LAMC2: variants seen among roughly 807,000 people sequenced by gnomAD.
The protein encoded by LAMC2 is laminin subunit gamma-2.
A neutral mutation model predicts 140.2 loss-of-function variants in LAMC2; 97 were observed. That is an observed-to-expected ratio of 0.69 (90% CI 0.59 to 0.82). The LOEUF (loss-of-function observed/expected upper bound fraction) is 0.82. LAMC2 is among the 40% of genes least tolerant of loss of function. The pLI is 0.00. For synonymous variants in LAMC2, 513 were observed against 540.2 expected (o/e 0.95, Z 0.70); for missense variants, 1,402 against 1,476.1 (o/e 0.95, Z 0.82).
intron 7 of LAMC2, among the ~76,000 whole-genome samples, chr1:183,224,366 G>A (rs1659564612): frequency 6.6e-6 from 1 of 152,166 alleles, no homozygotes; most frequent in Non-Finnish European, 1.5e-5. Context: ...CATCATGTTG[G>A]GCCTTGTGTG....
chr1:183,227,572 G>A lies in LAMC2; in HGVS notation c.1343G>A (p.Gly448Asp). Residue 448 changes from glycine to aspartate, a missense_variant, in exon 10 of 23, where the codon GGT becomes GAT. By Grantham distance (94) the Gly-to-Asp change is moderately conservative (BLOSUM62 -1). Around this residue, in one of 3 missense-constraint regions of LAMC2, gnomAD observed 723 missense variants for 783.3 expected, o/e 0.92. Transcript: ENST00000264144. The part of the protein sequence containing the change: ...PDIECADCPI[G>D]FYNDPHDPRS... ...ATTGAGTGTGCTGACTGCCCAATTG[G>A]TTTCTACAACGATCCGCACGACCCC... 6.2e-7 allele frequency: 1 copy of A among 1,614,134 alleles called. No individual in the cohort carries two copies.
chr1:183,198,765 G>A (rs983998834), intron 1 of LAMC2, among the ~76,000 whole-genome samples: 3 of 152,172 alleles, frequency 2.0e-5, no homozygotes, highest in Non-Finnish European at 4.4e-5. Context: ...CCCTAGGCTC[G>A]CTGCCCGTTG....
At chr1:183,229,599 T>A (rs1289919268) in intron 11 of LAMC2, among the ~76,000 whole-genome samples, 3 of 143,380 alleles carry the variant, frequency 2.1e-5, no homozygotes, top group Non-Finnish European at 4.5e-5. Context: ...ATCATGTCAC[T>A]GCACTCCAGC....
intron 12 of LAMC2, among the ~76,000 whole-genome samples, chr1:183,231,349 T>A (rs955485825): frequency 5.9e-5 from 9 of 152,234 alleles, no homozygotes; most frequent in African/African-American, 1.9e-4. Flanking sequence ...TTGGTACTCA[T>A]GATAACTTAG....
intron 1 of LAMC2, among the ~76,000 whole-genome samples, chr1:183,197,716 A>G (rs1241694514): frequency 6.6e-6 from 1 of 152,148 alleles, no homozygotes; most frequent in Non-Finnish European, 1.5e-5. Context: ...AAATAAGTAA[A>G]TAAATAAAGT....
At chr1:183,215,737 C>G in intron 3 of LAMC2, 149 bp downstream of exon 3, 1 of 946,910 alleles carries the variant, frequency 1.1e-6, no homozygotes, top group East Asian at 2.5e-5. Flanking sequence ...TTAATCCTCA[C>G]AATACCCCTA....
Position 183,237,404 on chromosome 1 carries a change from T to C in LAMC2, c.2654T>C (p.Val885Ala). 1 of 1,614,122 alleles carries C rather than the reference T, an allele frequency of 6.2e-7. No individual in the cohort carries two copies. Among genetic ancestry groups the C allele is most frequent in the Non-Finnish European group, 8.5e-7 (1 of 1,179,986 alleles). The change falls in exon 18 of 23, where the codon GTA becomes GCA. Residue 885 changes from valine (V) to alanine (A), a missense_variant. This residue lies in a region of LAMC2 where 670 missense variants were observed against 667.2 expected (regional missense o/e 1.00). Transcript: ENST00000264144. The stretch of plus-strand genomic sequence containing the variant: ...AAAGCGGATTCACTCTCAAGCCTGG[T>C]AACCAGGCATATGGATGAGTTCAAG... ...KQKADSLSSL[V>A]TRHMDEFKRT...
chr1:183,225,565 G>A (rs1335342333), intron 7 of LAMC2, 43 bp from the exon 8 acceptor site: 1 of 1,321,654 alleles, frequency 7.6e-7, no homozygotes, highest in South Asian at 1.2e-5. Context: ...TAGGTATGTG[G>A]TAAGAATCGG....
At chr1:183,234,193 TA>T (rs1659881931) in intron 14 of LAMC2, among the ~76,000 whole-genome samples, 173 bp from the exon 15 acceptor site, 1 of 152,212 alleles carries the variant, frequency 6.6e-6, no homozygotes, top group Non-Finnish European at 1.5e-5. Context: ...GGCCTATACA[TA>T]CTTTTTAAAA....
In LAMC2 at chr1:183,235,605, A is replaced by T. The variant is rs1659930196; in HGVS notation, c.2331A>T (p.Gln777His). 1 of 1,614,104 alleles carries T rather than the reference A, an allele frequency of 6.2e-7. No individual in the cohort carries two copies. The highest frequency in any genetic ancestry group is 1.1e-5 in the South Asian group (1 of 91,088). The change falls in exon 16 of 23, where the codon CAA becomes CAT. Residue 777 changes from glutamine (Q) to histidine (H), a missense_variant. By Grantham distance (24) the Gln-to-His change is conservative. Transcript: ENST00000264144. ...SHVESASNMEQLTRETEDYSK... is the reference protein window; with the variant it reads ...SHVESASNMEHLTRETEDYSK... ...TTGAGTCAGCCAGTAACATGGAGCA[A>T]CTGACAAGGGAAACTGAGGACTATT...
In LAMC2 at chr1:183,220,272, C is replaced by T. The variant is rs139320961; in HGVS notation, c.504-553C>T. 7.0e-4 allele frequency among the ~76,000 whole-genome samples: 106 copies of T among 152,204 alleles called. 1 individual carries two copies. Among genetic ancestry groups the T allele is most frequent in the African/African-American group, 2.4e-3 (98 of 41,528 alleles). On this transcript the variant is annotated intron_variant, in intron 4 of 22. Coordinates refer to ENST00000264144, the MANE Select transcript of LAMC2 (RefSeq NM_005562.3). ...CCTGGCTTTTGGAGAGTGTCTTAGC[C>T]ATCCTTTTTCTTTGTCATATCCTCA... is the stretch of plus-strand genomic sequence containing the variant.
At chr1:183,189,876 G>A (rs553477954) in intron 1 of LAMC2, among the ~76,000 whole-genome samples, 80 of 152,192 alleles carry the variant, frequency 5.3e-4, no homozygotes, top group Non-Finnish European at 1.0e-3. Flanking sequence ...CTTCCAGAAC[G>A]GCGAATTCAG....
chr1:183,196,186 G>A (rs1658508271), intron 1 of LAMC2, among the ~76,000 whole-genome samples: 1 of 150,326 alleles, frequency 6.7e-6, no homozygotes, highest in South Asian at 2.1e-4. Flanking sequence ...TGCCCAGGCT[G>A]GAGTGCAATG....
chr1:183,220,316 G>A (rs929295107), intron 4 of LAMC2, among the ~76,000 whole-genome samples: 6 of 152,174 alleles, frequency 3.9e-5, no homozygotes, highest in Non-Finnish European at 7.4e-5. Flanking sequence ...TTTCCCCAGT[G>A]AGCCAGAGCC....
At chr1:183,205,240 G>A (rs1042027641) in intron 1 of LAMC2, among the ~76,000 whole-genome samples, 3 of 152,322 alleles carry the variant, frequency 2.0e-5, no homozygotes, top group East Asian at 1.9e-4. Flanking sequence ...GAAGAACCTC[G>A]CAAGGACTGC....
chr1:183,231,141 A>T, intron 12 of LAMC2, 38 bp downstream of exon 12: 1 of 1,613,320 alleles, frequency 6.2e-7, no homozygotes, highest in African/African-American at 1.3e-5. Flanking sequence ...AACCCCACAG[A>T]ATCAAATCCT....
rs768103950 is a variant in LAMC2 at position 183,239,351 on chromosome 1, T to C, written c.2870-13T>C. 1 of 1,613,970 alleles carries C rather than the reference T, an allele frequency of 6.2e-7. No individual in the cohort carries two copies. The highest frequency in any genetic ancestry group is 1.7e-5 in the Admixed American group (1 of 60,028). ...TTCATCTTCACGGCAGTTTTTTCTT[T>C]TCTTCATTTCAGAGTTTGACCTGCA... is the stretch of plus-strand genomic sequence containing the variant. On this transcript the variant is annotated splice_polypyrimidine_tract_variant and intron_variant, in intron 19 of 22. Transcript: ENST00000264144.
chr1:183,201,002 C>T (rs1166831022), intron 1 of LAMC2, among the ~76,000 whole-genome samples: 1 of 152,172 alleles, frequency 6.6e-6, no homozygotes, highest in Non-Finnish European at 1.5e-5. Context: ...TCAAATGACT[C>T]CGTTTCAGAT....
intron 1 of LAMC2, among the ~76,000 whole-genome samples, chr1:183,190,915 A>G (rs1486373301): frequency 6.6e-6 from 1 of 152,200 alleles, no homozygotes; most frequent in Admixed American, 6.6e-5. Flanking sequence ...AAAACATTTA[A>G]AAGATAGACA....
Sources: allele counts gnomAD v4.1 joint callset (sites outside exome capture counted in the v4.1 genomes callset), GRCh38; gene constraint gnomAD v4.1.1; regional missense constraint gnomAD v4.1.1; transcripts MANE v1.5; gene names NCBI Gene and HGNC (gene_info 2026-07-23, HGNC 2026-07-21).